Variants in PHACTR1 observed in about 807,000 individuals in gnomAD.
The protein encoded by PHACTR1 is phosphatase and actin regulator 1.
Under a neutral mutation model 69.2 loss-of-function variants are expected in PHACTR1, and 16 were observed. That is an observed-to-expected ratio of 0.23 (90% CI 0.16 to 0.35). The LOEUF is 0.35. Ranked by LOEUF, PHACTR1 falls within the 10% of genes least tolerant of loss-of-function variation. The probability of loss-of-function intolerance (pLI) is 1.00; values close to 1 mark genes in which losing one functional copy is unlikely to be tolerated. For missense variants in PHACTR1, 510 were observed against 734.7 expected, an observed-to-expected ratio of 0.69 and a Z score of 3.54; for synonymous variants, 312 against 284.5, an observed-to-expected ratio of 1.10 and a Z score of -0.97.
At chr6:13,002,485 A>C (rs1184796820) in intron 4 of PHACTR1, among the ~76,000 whole-genome samples, 2 of 152,170 alleles carry the variant, frequency 1.3e-5, no homozygotes, top group Admixed American at 6.5e-5. Context: ...TGTGTCTTCT[A>C]TATTACCCTC....
Position 13,228,067 on chromosome 6 carries a change from C to T in PHACTR1, c.1234+4C>T, listed in dbSNP as rs375893576. On this transcript the variant is annotated splice_donor_region_variant and intron_variant, in intron 9 of 14. Transcript: ENST00000332995. ...GACGACAGCTCATTATACACCAGTG[C>T]GTTCATCTTAACTCATCACCAGGGG... 36 of 1,607,882 alleles carry T rather than the reference C, an allele frequency of 2.2e-5. No individual in the cohort carries two copies. Among genetic ancestry groups the T allele is most frequent in the South Asian group, 6.6e-5 (6 of 91,006 alleles).
chr6:13,285,423 G>C (rs116378088), intron 13 of PHACTR1, among the ~76,000 whole-genome samples: 2 of 152,176 alleles, frequency 1.3e-5, no homozygotes, highest in African/African-American at 4.8e-5. Flanking sequence ...GAAGGCACAC[G>C]TTTGCAATTT....
At chr6:12,739,460 T>A (rs1423586309) in intron 3 of PHACTR1, among the ~76,000 whole-genome samples, 1 of 152,194 alleles carries the variant, frequency 6.6e-6, no homozygotes, top group African/African-American at 2.4e-5. Flanking sequence ...TTTCTAAGTA[T>A]TAGTACTTAT....
At chr6:12,734,783 A>G (rs1274030099) in intron 3 of PHACTR1, among the ~76,000 whole-genome samples, 1 of 152,194 alleles carries the variant, frequency 6.6e-6, no homozygotes, top group African/African-American at 2.4e-5. Context: ...GAGAAGGAAA[A>G]GAAAGGTTTT....
chr6:12,958,861 G>T (rs1792247889), intron 4 of PHACTR1, among the ~76,000 whole-genome samples: 1 of 152,120 alleles, frequency 6.6e-6, no homozygotes, highest in Non-Finnish European at 1.5e-5. Flanking sequence ...TATATGAGTT[G>T]AATGTATCTG....
chr6:13,240,467 T>C lies in PHACTR1; in HGVS notation c.1391+10274T>C, dbSNP rs1772671644. On this transcript the variant is annotated intron_variant, in intron 10 of 14. Transcript: ENST00000332995. ...TGTTTTGTTTTGTTTTGTTTTGAGA[T>C]GGAGTCTGACTTTGTTGCCCAGGCT... 2.0e-5 allele frequency among the ~76,000 whole-genome samples: 3 copies of C among 152,192 alleles called. No homozygotes were observed. The South Asian group carries it at 6.2e-4, about 32-fold the overall frequency.
intron 4 of PHACTR1, among the ~76,000 whole-genome samples, chr6:12,904,875 A>G (rs559796766): frequency 2.4e-4 from 37 of 152,276 alleles, no homozygotes; most frequent in African/African-American, 8.7e-4. Flanking sequence ...AAAGGGAACA[A>G]TAGTGATTTT....
chr6:12,933,896 G>A (rs759463640), intron 4 of PHACTR1: 1 of 1,612,094 alleles, frequency 6.2e-7, no homozygotes, highest in Non-Finnish European at 8.5e-7. Flanking sequence ...TGGCTGAGAG[G>A]ACATTTACTC....
intron 5 of PHACTR1, among the ~76,000 whole-genome samples, chr6:13,072,301 G>A (rs1158413855): frequency 6.6e-6 from 1 of 152,110 alleles, no homozygotes; most frequent in Non-Finnish European, 1.5e-5. Flanking sequence ...TAACTTGTTT[G>A]TCACCAACAG....
chr6:13,040,937 A>G (rs2127712047), intron 4 of PHACTR1, among the ~76,000 whole-genome samples: 1 of 152,320 alleles, frequency 6.6e-6, no homozygotes. Context: ...CCTGATGTTC[A>G]AAGTCCCAAT....
At chr6:12,794,173 C>T (rs1452840578) in intron 4 of PHACTR1, among the ~76,000 whole-genome samples, 1 of 152,226 alleles carries the variant, frequency 6.6e-6, no homozygotes, top group Non-Finnish European at 1.5e-5. Context: ...ACTTTGCACA[C>T]ATAGTAGGCC....
At position 13,271,352 on chromosome 6, in the gene PHACTR1, G is replaced by A. The variant is rs181130154; in HGVS notation, c.1392-1508G>A. Among the ~76,000 whole-genome samples, 316 of 152,248 alleles carry A rather than the reference G, an allele frequency of 2.1e-3. 3 individuals carry two copies. The highest frequency in any genetic ancestry group is 2.8e-3 in the Non-Finnish European group (188 of 68,016). ...CCATTCAACATGAGATTTGGGCAGCGACAAATATCCAAACTATATGAGACA... is the reference window on the plus strand; with the variant it reads ...CCATTCAACATGAGATTTGGGCAGCAACAAATATCCAAACTATATGAGACA... On this transcript the variant is annotated intron_variant, in intron 10 of 14. Transcript: ENST00000332995.
At chr6:13,015,865 G>T (rs1269863052) in intron 4 of PHACTR1, among the ~76,000 whole-genome samples, 2 of 152,280 alleles carry the variant, frequency 1.3e-5, no homozygotes, top group South Asian at 2.1e-4. Context: ...CACCTGATAG[G>T]ATTATTTACC....
intron 4 of PHACTR1, among the ~76,000 whole-genome samples, chr6:12,940,830 T>A (rs1789984501): frequency 6.6e-6 from 1 of 152,180 alleles, no homozygotes; most frequent in Non-Finnish European, 1.5e-5. Flanking sequence ...TATGTATCAT[T>A]TGGACAGAGA....
chr6:13,017,041 G>C (rs1800277050), intron 4 of PHACTR1, among the ~76,000 whole-genome samples: 2 of 151,992 alleles, frequency 1.3e-5, no homozygotes. Flanking sequence ...ACAAAAATTA[G>C]CCAGCATGGT....
chr6:12,954,437 G>A (rs1017644528), intron 4 of PHACTR1, among the ~76,000 whole-genome samples: 3 of 151,888 alleles, frequency 2.0e-5, no homozygotes, highest in Non-Finnish European at 4.4e-5. Flanking sequence ...GGAGGGCCAG[G>A]CAGGGGTGCT....
intron 4 of PHACTR1, among the ~76,000 whole-genome samples, chr6:12,800,883 T>A (rs1435955195): frequency 6.8e-6 from 1 of 146,580 alleles, no homozygotes; most frequent in Non-Finnish European, 1.5e-5. Context: ...AGTGAGACCC[T>A]GTCTCAAAAG....
chr6:12,886,612 T>C (rs986129619), intron 4 of PHACTR1, among the ~76,000 whole-genome samples: 9 of 152,178 alleles, frequency 5.9e-5, no homozygotes, highest in African/African-American at 2.2e-4. Context: ...ACATCTGCTA[T>C]TCCCACATCA....
chr6:12,793,271 T>C (rs906400470), intron 4 of PHACTR1, among the ~76,000 whole-genome samples: 11 of 152,228 alleles, frequency 7.2e-5, no homozygotes, highest in African/African-American at 2.4e-4. Flanking sequence ...TTGAGTTTTA[T>C]TGGGTTATAA....
Sources: allele counts gnomAD v4.1 joint callset (sites outside exome capture counted in the v4.1 genomes callset), GRCh38; gene constraint gnomAD v4.1.1; transcripts MANE v1.5; gene names NCBI Gene and HGNC (gene_info 2026-07-23, HGNC 2026-07-21).